Variants in LRRC4C observed in about 807,000 individuals in gnomAD.
The protein encoded by LRRC4C is leucine-rich repeat-containing protein 4C.
A neutral mutation model predicts 33.6 loss-of-function variants in LRRC4C; 5 were observed. That is an observed-to-expected ratio of 0.15 (90% CI 0.08 to 0.31). The LOEUF is 0.31. Among genes scored for constraint, LRRC4C ranks in the 10% least tolerant of loss-of-function variants. The pLI is 1.00. For synonymous variants in LRRC4C, 329 were observed against 302.0 expected (o/e 1.09, Z -0.93); for missense variants, 560 against 796.7 (o/e 0.70, Z 3.58).
At chr11:41,071,981 G>A (rs542361688) in intron 1 of LRRC4C, among the ~76,000 whole-genome samples, 18 of 152,228 alleles carry the variant, frequency 1.2e-4, no homozygotes, top group South Asian at 2.1e-4. Context: ...ATTGCAGCCC[G>A]GAGATGTGAC....
At position 40,635,628 on chromosome 11, in the gene LRRC4C, A is replaced by ATTTTTTTTTTTT. The variant is rs71060975; in HGVS notation, c.-270+12502_-270+12513dup. 2.0e-4 allele frequency among the ~76,000 whole-genome samples: 18 copies of ATTTTTTTTTTTT among 92,218 alleles called. 1 individual carries two copies. Among genetic ancestry groups the ATTTTTTTTTTTT allele is most frequent in the African/African-American group, 6.5e-4 (16 of 24,794 alleles). The allele number at this position is 92,218 out of a possible 152,430, so 60.5% of individuals were successfully genotyped here. A position where few individuals can be genotyped will look rare whatever the true frequency, so the allele number is the denominator to read the frequency against. ...ACTCCAGAAATTGAAAAAGAACCAA[A>ATTTTTTTTTTTT]TTTTTTTTTTTTTTTTTTTTTTTTT... On this transcript the variant is annotated intron_variant, in intron 3 of 6. Transcript: ENST00000528697.
intron 4 of LRRC4C, among the ~76,000 whole-genome samples, chr11:40,313,326 G>A (rs184593374): frequency 2.0e-5 from 3 of 152,064 alleles, no homozygotes; most frequent in Admixed American, 6.5e-5. Flanking sequence ...ATGAAAACAT[G>A]ACAAATTCAC....
intron 1 of LRRC4C, among the ~76,000 whole-genome samples, chr11:41,330,767 A>T (rs1164279101): frequency 1.3e-5 from 2 of 151,940 alleles, no homozygotes; most frequent in East Asian, 3.9e-4. Flanking sequence ...GTTTTATAAG[A>T]TTATAAATAC....
chr11:40,518,781 C>CTATAA (rs1221124733), intron 3 of LRRC4C, among the ~76,000 whole-genome samples: 2 of 126,046 alleles, frequency 1.6e-5, no homozygotes, highest in South Asian at 5.3e-4. Context: ...AATCATTCTG[C>CTATAA]TATAAAGACA....
At chr11:41,022,168 A>G (rs1590266382) in intron 1 of LRRC4C, among the ~76,000 whole-genome samples, 2 of 140,860 alleles carry the variant, frequency 1.4e-5, no homozygotes, top group Non-Finnish European at 3.2e-5. Flanking sequence ...ATATATATGT[A>G]TATATCTACT....
chr11:41,456,363 G>C (rs1956171117), intron 1 of LRRC4C, among the ~76,000 whole-genome samples: 1 of 151,844 alleles, frequency 6.6e-6, no homozygotes, highest in African/African-American at 2.4e-5. Context: ...TTCTTACTAG[G>C]TGATGTTCCT....
At chr11:40,386,955 A>G (rs2137409655) in intron 3 of LRRC4C, among the ~76,000 whole-genome samples, 1 of 152,276 alleles carries the variant, frequency 6.6e-6, no homozygotes, top group East Asian at 1.9e-4. Flanking sequence ...TATCATATAT[A>G]TCAGTGTCTG....
At chr11:41,090,202 T>C (rs1940306345) in intron 1 of LRRC4C, among the ~76,000 whole-genome samples, 1 of 152,038 alleles carries the variant, frequency 6.6e-6, no homozygotes, top group African/African-American at 2.4e-5. Context: ...ATATGAGTTA[T>C]ATAGGGAGAG....
chr11:41,436,400 C>A (rs904194830), intron 1 of LRRC4C, among the ~76,000 whole-genome samples: 1 of 152,094 alleles, frequency 6.6e-6, no homozygotes, highest in Non-Finnish European at 1.5e-5. Flanking sequence ...CATTTAATAT[C>A]CCTAGTTTTC....
chr11:40,862,022 A>G (rs867665849), intron 2 of LRRC4C, among the ~76,000 whole-genome samples: 2 of 152,188 alleles, frequency 1.3e-5, no homozygotes, highest in African/African-American at 2.4e-5. Flanking sequence ...AGGCAACAAA[A>G]TATTCAAACC....
intron 3 of LRRC4C, among the ~76,000 whole-genome samples, chr11:40,608,432 G>T (rs184963748): frequency 6.6e-6 from 1 of 151,844 alleles, no homozygotes; most frequent in Admixed American, 6.6e-5. Context: ...CTACAAAAAA[G>T]AAATTCAACA....
At chr11:40,962,183 G>A (rs1390447302) in intron 1 of LRRC4C, among the ~76,000 whole-genome samples, 1 of 151,522 alleles carries the variant, frequency 6.6e-6, no homozygotes, top group Non-Finnish European at 1.5e-5. Context: ...AAGGATGAAA[G>A]CAGAAATCAG....
At chr11:41,310,646 A>G (rs549049626) in intron 1 of LRRC4C, among the ~76,000 whole-genome samples, 1 of 152,330 alleles carries the variant, frequency 6.6e-6, no homozygotes, top group African/African-American at 2.4e-5. Context: ...ATTATTATTA[A>G]AGAATATTTG....
chr11:41,005,796 A>C lies in LRRC4C; in HGVS notation c.-495-72073T>G, dbSNP rs559073709. On this transcript the variant is annotated intron_variant, in intron 1 of 6. Transcript: ENST00000528697. ...AGCCTGCAGAAGAACTAGCCAAATA[A>C]ACTTTTTAAAATAAATTGCCCAGTC... Among the ~76,000 whole-genome samples, 29 of 152,298 alleles carry C rather than the reference A, an allele frequency of 1.9e-4. 1 individual carries two copies. The South Asian group carries it at 3.9e-3, about 21-fold the overall frequency.
chr11:40,846,303 T>C (rs1343304171), intron 2 of LRRC4C, among the ~76,000 whole-genome samples: 2 of 152,198 alleles, frequency 1.3e-5, no homozygotes, highest in African/African-American at 4.8e-5. Flanking sequence ...AGGGTTTTTA[T>C]GGTTTTAGGT....
At chr11:40,518,379 C>G (rs1011856800) in intron 3 of LRRC4C, among the ~76,000 whole-genome samples, 5 of 151,946 alleles carry the variant, frequency 3.3e-5, no homozygotes, top group Non-Finnish European at 7.4e-5. Context: ...AAGGCTAATA[C>G]CCAGAATCTA....
At chr11:41,300,159 A>G (rs1186430818) in intron 1 of LRRC4C, among the ~76,000 whole-genome samples, 2 of 152,300 alleles carry the variant, frequency 1.3e-5, no homozygotes, top group South Asian at 4.1e-4. Flanking sequence ...TAGAATTTGA[A>G]GTGTCACTGG....
At chr11:40,753,402 T>C (rs936333718) in intron 2 of LRRC4C, among the ~76,000 whole-genome samples, 2 of 151,596 alleles carry the variant, frequency 1.3e-5, no homozygotes, top group African/African-American at 4.8e-5. Flanking sequence ...ACCATATATA[T>C]GTAAAATATG....
chr11:40,854,981 T>C (rs1953710872), intron 2 of LRRC4C, among the ~76,000 whole-genome samples: 1 of 152,126 alleles, frequency 6.6e-6, no homozygotes, highest in African/African-American at 2.4e-5. Context: ...TTTTTCCCCA[T>C]TGATAAACTC....
Sources: gnomAD v4.1 joint callset for allele counts (sites outside exome capture counted in the v4.1 genomes callset) on GRCh38, gnomAD v4.1.1 for gene constraint, MANE v1.5 for transcripts, NCBI Gene and HGNC (gene_info 2026-07-23, HGNC 2026-07-21) for gene names.